Variants in NEK5 observed in about 807,000 individuals in gnomAD.
NEK5 encodes the protein serine/threonine-protein kinase Nek5.
In NEK5, 88 loss-of-function variants were observed where a neutral mutation model predicts 109.2. The observed-to-expected ratio is 0.81, with a 90% CI of 0.68 to 0.96. The LOEUF is 0.96. NEK5 is among the 40% of genes least tolerant of loss of function. The probability of loss-of-function intolerance (pLI) is 0.00; values close to 1 mark genes in which losing one functional copy is unlikely to be tolerated. For missense variants in NEK5, 834 were observed against 920.7 expected (o/e 0.91, Z 1.22); for synonymous variants, 283 against 299.9 (o/e 0.94, Z 0.58).
At chr13:52,056,695 C>CGTATGGGTACA (rs1954558988) in intron 22 of NEK5, among the ~76,000 whole-genome samples, 4 of 151,598 alleles carry the variant, frequency 2.6e-5, no homozygotes, top group African/African-American at 7.3e-5. Context: ...TCCTGAATGA[C>CGTATGGGTACA]TAGTGGGTAC....
intron 4 of NEK5, among the ~76,000 whole-genome samples, chr13:52,118,615 G>A (rs1955905895): frequency 6.6e-6 from 1 of 152,126 alleles, no homozygotes; most frequent in African/African-American, 2.4e-5. Flanking sequence ...TATGGAGGAA[G>A]GGACTTCCTT....
At chr13:52,113,444 TGGA>T (rs1443983804) in intron 4 of NEK5, among the ~76,000 whole-genome samples, 1 of 152,172 alleles carries the variant, frequency 6.6e-6, no homozygotes, top group Non-Finnish European at 1.5e-5. Context: ...CTGAATATTT[TGGA>T]GGACTCAGTG....
intron 20 of NEK5, among the ~76,000 whole-genome samples, chr13:52,070,297 GTGGAA>G (rs1309936716): frequency 6.6e-6 from 1 of 152,172 alleles, no homozygotes; most frequent in Non-Finnish European, 1.5e-5. Context: ...GTGATAATAT[GTGGAA>G]TGGACCTTAT....
At chr13:52,078,038 C>T (rs893463736) in intron 17 of NEK5, among the ~76,000 whole-genome samples, 2 of 151,114 alleles carry the variant, frequency 1.3e-5, no homozygotes, top group African/African-American at 4.9e-5. Context: ...TGTGCCATTG[C>T]ACTCCAGCCT....
At chr13:52,047,550 G>A (rs1954470217) in intron 23 of NEK5, among the ~76,000 whole-genome samples, 1 of 152,164 alleles carries the variant, frequency 6.6e-6, no homozygotes, top group African/African-American at 2.4e-5. Context: ...TGGGCCAAGT[G>A]CAGTGGCTCA....
chr13:52,095,261 G>A, intron 12 of NEK5, among the ~76,000 whole-genome samples: 1 of 152,110 alleles, frequency 6.6e-6, no homozygotes, highest in Non-Finnish European at 1.5e-5. Flanking sequence ...AAAACAAGAA[G>A]TAGTTTTCTT....
chr13:52,064,191 C>T (rs1444008509), intron 21 of NEK5, among the ~76,000 whole-genome samples: 2 of 143,022 alleles, frequency 1.4e-5, no homozygotes, highest in Admixed American at 6.8e-5. Context: ...GGGTCAGCCC[C>T]CCGCCCGGCC....
intron 2 of NEK5, 37 bp downstream of exon 2, chr13:52,127,558 G>T: frequency 2.5e-6 from 2 of 815,460 alleles, no homozygotes; most frequent in Non-Finnish European, 4.2e-6. Flanking sequence ...GACTAACAAA[G>T]TCAGAAAACT....
At position 52,125,208 on chromosome 13, in the gene NEK5, A is replaced by G. The variant is rs531813947; in HGVS notation, c.117+2158T>C. On this transcript the variant is annotated intron_variant, in intron 3 of 23. Transcript: ENST00000684899. ...CTTGATGCACAGGATCTCTGAGACA[A>G]TAAATGTTTATTCTTTAAGCCACTA... is the stretch of plus-strand genomic sequence containing the variant. 1.6e-4 allele frequency among the ~76,000 whole-genome samples: 24 copies of G among 152,330 alleles called. 1 individual carries two copies. The highest frequency in any genetic ancestry group is 5.8e-4 in the African/African-American group (24 of 41,578).
intron 12 of NEK5, among the ~76,000 whole-genome samples, chr13:52,093,560 CA>C (rs200989608): frequency 1.2e-3 from 166 of 142,198 alleles, no homozygotes; most frequent in Middle Eastern, 0.011. Context: ...GACTCCATCT[CA>C]AAAAAAAAAA....
At chr13:52,114,271 GC>G (rs563612331) in intron 4 of NEK5, among the ~76,000 whole-genome samples, 161 of 152,264 alleles carry the variant, frequency 1.1e-3, no homozygotes, top group African/African-American at 3.7e-3. Context: ...CAAAACATAA[GC>G]GCCAAAATCA....
chr13:52,057,731 G>T (rs1439035931), intron 22 of NEK5, among the ~76,000 whole-genome samples: 1 of 151,870 alleles, frequency 6.6e-6, no homozygotes, highest in Non-Finnish European at 1.5e-5. Context: ...TGCAGAAAAG[G>T]CCTTTGACAA....
rs149978343 is a variant in NEK5 at position 52,092,955 on chromosome 13, A to G, written c.1208+99T>C. 1,325 of 795,692 alleles carry G rather than the reference A, an allele frequency of 1.7e-3. 14 individuals carry two copies. The African/African-American group carries it at 0.021, about 13-fold the overall frequency. 49.3% of individuals were successfully genotyped at this position (795,692 alleles called of 1,614,324 possible). ...TGAAGATTTGGAAAGTTCTTCTTGGATTATTTGTGTTAGGAGAATTTGGAT... is the reference window on the plus strand; with the variant it reads ...TGAAGATTTGGAAAGTTCTTCTTGGGTTATTTGTGTTAGGAGAATTTGGAT... On this transcript the variant is annotated intron_variant, in intron 13 of 23. Transcript: ENST00000684899.
chr13:52,051,254 C>A (rs1954503662), intron 22 of NEK5, among the ~76,000 whole-genome samples: 1 of 151,922 alleles, frequency 6.6e-6, no homozygotes, highest in African/African-American at 2.4e-5. Context: ...TTCTCACTGG[C>A]CTTTTAGTTA....
intron 17 of NEK5, chr13:52,082,370 T>TA (rs1458184934): frequency 8.5e-7 from 1 of 1,183,128 alleles, no homozygotes; most frequent in African/African-American, 1.7e-5. Context: ...AGAATCTTCT[T>TA]ACTAAGCAAA....
At chr13:52,114,833 G>T (rs9535867) in intron 4 of NEK5, among the ~76,000 whole-genome samples, 94,481 of 151,936 alleles carry the variant, frequency 0.62, 30,435 homozygotes, top group Non-Finnish European at 0.71. Flanking sequence ...AGCTCAGTCA[G>T]TAAAAGGTCT....
At chr13:52,102,323 CAG>C in intron 9 of NEK5, 31 bp from the exon 10 acceptor site, 1 of 1,524,968 alleles carries the variant, frequency 6.6e-7, no homozygotes, top group Non-Finnish European at 9.1e-7. Flanking sequence ...GACACTAAAT[CAG>C]AGAAAAGTTA....
chr13:52,127,478 T>C lies in NEK5; in HGVS notation c.5A>G (p.Asp2Gly). 6.4e-7 allele frequency: 1 copy of C among 1,559,886 alleles called. No homozygotes were observed. The highest frequency in any genetic ancestry group is 1.4e-5 in the African/African-American group (1 of 73,938). The change falls in exon 3 of 24, where the codon GAT becomes GGT. Residue 2 changes from aspartate (D) to glycine (G), a missense_variant. This residue lies in a region of NEK5 where 777 missense variants were observed against 824.7 expected (regional missense o/e 0.94). Transcript: ENST00000684899. ...GATGGCCTTAATCACATCGTACTTA[T>C]CCATGGTCTCCAATGGGCTGAGTTT... M[D>G]KYDVIKAIGQ...
rs117610412 is a variant in NEK5 at position 52,111,739 on chromosome 13, T to A, written c.312+529A>T. On this transcript the variant is annotated intron_variant, in intron 5 of 23. Transcript: ENST00000684899. ...AAGAGAGTTCCAGGGAGGCTTGGAGTATAGAAGAGAAATACATTTGTGCAA... is the reference window on the plus strand; with the variant it reads ...AAGAGAGTTCCAGGGAGGCTTGGAGAATAGAAGAGAAATACATTTGTGCAA... Among the ~76,000 whole-genome samples, 949 of 152,150 alleles carry A rather than the reference T, an allele frequency of 6.2e-3. 12 individuals are homozygous for A. The highest frequency in any genetic ancestry group is 0.017 in the Middle Eastern group (5 of 294).
Sources: allele counts gnomAD v4.1 joint callset (sites outside exome capture counted in the v4.1 genomes callset), GRCh38; gene constraint gnomAD v4.1.1; regional missense constraint gnomAD v4.1.1; transcripts MANE v1.5; gene names NCBI Gene and HGNC (gene_info 2026-07-23, HGNC 2026-07-21).